Variants in MOV10L1 observed in about 807,000 individuals in gnomAD.
The protein encoded by MOV10L1 is RNA helicase Mov10l1.
MOV10L1 carries 110 observed loss-of-function variants against 143.8 expected under a neutral mutation model. The ratio of observed to expected loss-of-function variants is 0.76; its 90% CI spans 0.66 to 0.90. The LOEUF (loss-of-function observed/expected upper bound fraction) is 0.90, where lower values mean the gene tolerates loss of function less well. Among genes scored for constraint, MOV10L1 ranks in the 40% least tolerant of loss-of-function variants. The pLI is 0.00. For missense variants in MOV10L1, 1,406 were observed against 1,526.8 expected, an observed-to-expected ratio of 0.92 and a Z score of 1.32; for synonymous variants, 593 against 581.1, an observed-to-expected ratio of 1.02 and a Z score of -0.29.
Position 50,125,265 on chromosome 22 carries a change from G to A in MOV10L1, c.1570-127G>A, listed in dbSNP as rs573066910. 54 of 902,736 alleles carry A rather than the reference G, an allele frequency of 6.0e-5. 1 individual carries two copies. The South Asian group carries it at 7.6e-4, about 13-fold the overall frequency. The allele number at this position is 902,736 out of a possible 1,614,324, so 55.9% of individuals were successfully genotyped here. A position where few individuals can be genotyped will look rare whatever the true frequency, so the allele number is the denominator to read the frequency against. The stretch of plus-strand genomic sequence containing the variant: ...TACTGAGGCACCTGCAGACTCCGGC[G>A]AGGATCGCCCCACCTGGGGGGCCAT... On this transcript the variant is annotated intron_variant, in intron 10 of 26. Coordinates refer to ENST00000262794, the MANE Select transcript of MOV10L1 (RefSeq NM_018995.3).
intron 3 of MOV10L1, 135 bp downstream of exon 3, chr22:50,099,737 C>A: frequency 9.3e-7 from 1 of 1,074,702 alleles, no homozygotes; most frequent in Non-Finnish European, 1.3e-6. Context: ...CGCTTGAGCC[C>A]AGGAGTTGGA....
chr22:50,121,751 G>C (rs2062353150), intron 10 of MOV10L1, among the ~76,000 whole-genome samples: 1 of 152,190 alleles, frequency 6.6e-6, no homozygotes, highest in Admixed American at 6.5e-5. Flanking sequence ...TGGGGACCCA[G>C]GTCTGCTGGG....
chr22:50,092,021 G>A lies in MOV10L1; in HGVS notation c.118G>A (p.Val40Ile), dbSNP rs777895411. The A allele has an allele frequency of 3.0e-5, 49 of 1,613,844 alleles. No homozygotes were observed. The highest frequency in any genetic ancestry group is 2.8e-4 in the African/African-American group (21 of 74,930). ...CTCAGGTGACACTAAGCTGAAAACTGTACGGGGTGTCGTGACAAGGTACTG... is the reference window on the plus strand; with the variant it reads ...CTCAGGTGACACTAAGCTGAAAACTATACGGGGTGTCGTGACAAGGTACTG... ...LAEGDTKLKT[V>I]RGVVTRYCSD... Residue 40 changes from valine (V) to isoleucine (I), a missense_variant, in exon 2 of 27, where the codon GTA becomes ATA. Physicochemically the swap from Val to Ile is conservative, Grantham distance 29. This residue lies in a region of MOV10L1 where 166 missense variants were observed against 153.9 expected (regional missense o/e 1.08). Coordinates refer to ENST00000262794, the MANE Select transcript of MOV10L1 (RefSeq NM_018995.3).
chr22:50,113,105 A>G (rs903826217), intron 5 of MOV10L1, among the ~76,000 whole-genome samples: 1 of 152,162 alleles, frequency 6.6e-6, no homozygotes, highest in Non-Finnish European at 1.5e-5. Context: ...AGGGAGGAGA[A>G]TCAAGCCTGT....
At chr22:50,110,344 G>A (rs11704211) in intron 5 of MOV10L1, among the ~76,000 whole-genome samples, 1 of 151,094 alleles carries the variant, frequency 6.6e-6, no homozygotes, top group Non-Finnish European at 1.5e-5. Context: ...AGCTACTCGG[G>A]AGGCTGAGGC....
intron 3 of MOV10L1, among the ~76,000 whole-genome samples, chr22:50,105,212 A>G (rs1381842310): frequency 6.6e-6 from 1 of 152,220 alleles, no homozygotes; most frequent in Admixed American, 6.6e-5. Context: ...ATTGAAATAT[A>G]TTACTGTTCC....
rs1377844426 is a variant in MOV10L1 at position 50,143,205 on chromosome 22, T to C, written c.2342T>C (p.Ile781Thr). Residue 781 changes from isoleucine (I) to threonine (T), a missense_variant, in exon 17 of 27, where the codon ATA (isoleucine) becomes ACA (threonine). Coordinates refer to ENST00000262794, the MANE Select transcript of MOV10L1 (RefSeq NM_018995.3). ...GGTACTGGAAAGACAGTGACAATAA[T>C]AGAGGCTGTTTTACAGGTAAGGACA... ...PPGTGKTVTIIEAVLQVHFAL... is the reference protein window; with the variant it reads ...PPGTGKTVTITEAVLQVHFAL... 2 of 1,614,114 alleles carry C rather than the reference T, an allele frequency of 1.2e-6. No individual in the cohort carries two copies. The highest frequency in any genetic ancestry group is 1.7e-5 in the Admixed American group (1 of 60,022).
intron 5 of MOV10L1, 30 bp downstream of exon 5, chr22:50,108,874 G>T: frequency 6.2e-7 from 1 of 1,607,248 alleles, no homozygotes; most frequent in Non-Finnish European, 8.5e-7. Flanking sequence ...GCCAGGTGCG[G>T]TGGCTAACGC....
chr22:50,092,370 C>T (rs947440328), intron 2 of MOV10L1, among the ~76,000 whole-genome samples, 185 bp downstream of exon 2: 5 of 152,200 alleles, frequency 3.3e-5, no homozygotes, highest in Admixed American at 2.6e-4. Context: ...GTGGCTCACG[C>T]CTGTAATCCC....
chr22:50,138,161 A>T (rs188989757), intron 15 of MOV10L1, among the ~76,000 whole-genome samples: 33 of 152,290 alleles, frequency 2.2e-4, no homozygotes, highest in Non-Finnish European at 3.1e-4. Context: ...TGATAACTGA[A>T]TGTTCTTTGC....
rs759340800 is a variant in MOV10L1 at position 50,125,413 on chromosome 22, AAGG to A, written c.1594_1596del (p.Glu532del). 6.2e-7 allele frequency: 1 copy of A among 1,614,152 alleles called. No homozygotes were observed. On this transcript the variant is annotated inframe_deletion, in exon 11 of 27. Coordinates refer to ENST00000262794, the MANE Select transcript of MOV10L1 (RefSeq NM_018995.3). ...CCAGCTTCTGAACATGTCAAATTACAAGGAGAAGTTTTCGACTTTGCTGTGGCT... is the reference window on the plus strand; with the variant it reads ...CCAGCTTCTGAACATGTCAAATTACAAGAAGTTTTCGACTTTGCTGTGGCT...
chr22:50,153,279 C>A, intron 22 of MOV10L1, 61 bp downstream of exon 22: 1 of 1,514,066 alleles, frequency 6.6e-7, no homozygotes, highest in Non-Finnish European at 9.0e-7. Context: ...GGCAGGAGGT[C>A]CTTCCTCCCA....
At chr22:50,114,765 G>T in intron 7 of MOV10L1, 143 bp downstream of exon 7, 1 of 1,281,654 alleles carries the variant, frequency 7.8e-7, no homozygotes. Flanking sequence ...TCGGCTTCAG[G>T]CCCTTCTCTT....
At chr22:50,107,708 A>G (rs893734557) in intron 3 of MOV10L1, among the ~76,000 whole-genome samples, 2 of 152,162 alleles carry the variant, frequency 1.3e-5, no homozygotes, top group African/African-American at 4.8e-5. Context: ...GCTCTCTGGC[A>G]CACTGAGGGG....
Position 50,150,899 on chromosome 22 carries a change from G to A in MOV10L1, c.2892G>A (p.Leu964=), listed in dbSNP as rs2063282397. The change falls in exon 21 of 27, where the codon TTG becomes TTA. Residue 964 remains leucine (L), a splice_region_variant and synonymous_variant. Coordinates refer to ENST00000262794, the MANE Select transcript of MOV10L1 (RefSeq NM_018995.3). Reference sequence around the variant, plus strand: ...CTTGTGGCGCACATAATCCCCTGTTGGTGAGTCACAGACTCCAGCGCGTTC... The same window carrying A: ...CTTGTGGCGCACATAATCCCCTGTTAGTGAGTCACAGACTCCAGCGCGTTC... ...FGACGAHNPL[L]VTKLVKNYRS... 1.2e-6 allele frequency: 2 copies of A among 1,614,134 alleles called. No individual in the cohort carries two copies. Among genetic ancestry groups the A allele is most frequent in the Non-Finnish European group, 8.5e-7 (1 of 1,180,022 alleles).
In MOV10L1 at chr22:50,113,484, T is replaced by C. The variant is rs2062078416; in HGVS notation, c.744-164T>C. The C allele has an allele frequency of 9.2e-6, 8 of 871,290 alleles. No individual in the cohort carries two copies. The South Asian group carries it at 1.3e-4, about 14-fold the overall frequency. 54.0% of individuals were successfully genotyped at this position (871,290 alleles called of 1,614,324 possible). On this transcript the variant is annotated intron_variant, in intron 5 of 26. Coordinates refer to ENST00000262794, the MANE Select transcript of MOV10L1 (RefSeq NM_018995.3). ...TTATGAAGTGCATCGTTCTCTTCCT[T>C]AGGGTTTGCCATCCTCCTTAGAAAC...
rs115254214 is a variant in MOV10L1, at chr22:50,116,967, A to T, written c.1260-190A>T. On this transcript the variant is annotated intron_variant, in intron 8 of 26. Coordinates refer to ENST00000262794, the MANE Select transcript of MOV10L1 (RefSeq NM_018995.3). ...CACCGCACCGGGCCTGTAGGTGCTT[A>T]ATTTTATCTTGAGAAAATATTAATT... Among the ~76,000 whole-genome samples the T allele has an allele frequency of 1.6e-3, 250 of 152,216 alleles. 1 individual carries two copies. Among genetic ancestry groups the T allele is most frequent in the African/African-American group, 5.8e-3 (240 of 41,538 alleles).
intron 7 of MOV10L1, 51 bp from the exon 8 acceptor site, chr22:50,115,063 A>C: frequency 6.6e-7 from 1 of 1,524,132 alleles, no homozygotes; most frequent in Non-Finnish European, 8.8e-7. Context: ...CAGCACTGTT[A>C]GAGATAATTT....
In MOV10L1 at chr22:50,159,819, TCA is replaced by T. The variant is rs2063510722; in HGVS notation, c.3324+35_3324+36del. ...CCCTGTTCTCCGTGGGGATGGACAG[TCA>T]GGTGCTTGCTGCCCTGGGGGTTCTG... On this transcript the variant is annotated intron_variant, in intron 24 of 26. Coordinates refer to ENST00000262794, the MANE Select transcript of MOV10L1 (RefSeq NM_018995.3). The surrounding 1 kb of genome is among the most constrained non-coding windows in gnomAD (Gnocchi z 4.1). 6.9e-6 allele frequency: 10 copies of T among 1,444,480 alleles called. No individual in the cohort carries two copies. The Admixed American group carries it at 1.7e-4, about 25-fold the overall frequency. The allele number at this position is 1,444,480 out of a possible 1,614,324, so 89.5% of individuals were successfully genotyped here. A position where few individuals can be genotyped will look rare whatever the true frequency, so the allele number is the denominator to read the frequency against.
Sources: allele counts gnomAD v4.1 joint callset (sites outside exome capture counted in the v4.1 genomes callset), GRCh38; gene constraint gnomAD v4.1.1; regional missense constraint gnomAD v4.1.1; non-coding constraint Gnocchi (gnomAD v3.1); transcripts MANE v1.5; gene names NCBI Gene and HGNC (gene_info 2026-07-23, HGNC 2026-07-21).